PCDHGB3: variants seen among roughly 807,000 people sequenced by gnomAD.
The protein encoded by PCDHGB3 is protocadherin gamma subfamily B, 3, also known as protocadherin gamma-B3.
Under a neutral mutation model 59.2 loss-of-function variants are expected in PCDHGB3, and 40 were observed. The observed-to-expected ratio is 0.68, with a 90% CI of 0.52 to 0.88. The LOEUF is 0.88. Ranked by LOEUF, PCDHGB3 falls within the 40% of genes least tolerant of loss-of-function variation. The pLI is 0.00. For synonymous variants in PCDHGB3, 581 were observed against 503.6 expected, an observed-to-expected ratio of 1.15 and a Z score of -2.06; for missense variants, 1,309 against 1,187.9, an observed-to-expected ratio of 1.10 and a Z score of -1.50.
At chr5:141,375,564 A>G (rs1771592295) in intron 1 of PCDHGB3, 3 of 1,613,974 alleles carry the variant, frequency 1.9e-6, no homozygotes, top group African/African-American at 1.3e-5. Flanking sequence ...CTGGCAGAAG[A>G]CACCCTCCAG....
chr5:141,453,540 A>G (rs890130466), intron 1 of PCDHGB3, among the ~76,000 whole-genome samples: 2 of 152,058 alleles, frequency 1.3e-5, no homozygotes, highest in Non-Finnish European at 2.9e-5. Context: ...CCTCATTCAC[A>G]CCACACTCTG....
chr5:141,388,657 G>C (rs769160604), intron 1 of PCDHGB3: 2 of 1,613,878 alleles, frequency 1.2e-6, no homozygotes, highest in African/African-American at 1.3e-5. Flanking sequence ...GTGTACCCGG[G>C]GACCACGGTG....
chr5:141,398,286 C>T (rs1338652897), intron 1 of PCDHGB3: 1 of 1,395,846 alleles, frequency 7.2e-7, no homozygotes, highest in South Asian at 1.3e-5. Context: ...TCGCCACGGA[C>T]CTGGGGTTCA....
chr5:141,409,912 C>A (rs775668669), intron 1 of PCDHGB3: 2 of 1,613,180 alleles, frequency 1.2e-6, no homozygotes, highest in African/African-American at 2.7e-5. Flanking sequence ...TGGGTCCTGA[C>A]GGCTCCGCGT....
At chr5:141,384,411 T>C (rs751134591) in intron 1 of PCDHGB3, 7 of 1,613,860 alleles carry the variant, frequency 4.3e-6, no homozygotes, top group South Asian at 1.1e-5. Flanking sequence ...TGTCCTCCTA[T>C]GTCTCCATAA....
rs370284141 is a variant in PCDHGB3, at chr5:141,421,654, G to A, written c.2415+48845G>A. On this transcript the variant is annotated intron_variant, in intron 1 of 3. Coordinates refer to ENST00000576222, the MANE Select transcript of PCDHGB3 (RefSeq NM_018924.5). ...CCAGGAGGACGAAGTGGAGATAAAA[G>A]TCAGTGAGCACGCAATTCCTGGGGC... The A allele has an allele frequency of 3.5e-5, 57 of 1,613,746 alleles. No individual in the cohort carries two copies. Among genetic ancestry groups the A allele is most frequent in the Admixed American group, 5.0e-5 (3 of 59,974 alleles).
At chr5:141,453,201 C>A (rs115660512) in intron 1 of PCDHGB3, among the ~76,000 whole-genome samples, 1 of 152,206 alleles carries the variant, frequency 6.6e-6, no homozygotes, top group South Asian at 2.1e-4. Flanking sequence ...GCAGCCTCAA[C>A]CTCGTGCACT....
At chr5:141,508,244 C>A (rs1278674173) in intron 3 of PCDHGB3, 1 of 152,314 alleles carries the variant, frequency 6.6e-6, no homozygotes, top group Non-Finnish European at 1.5e-5. Context: ...CTAAGTCTGC[C>A]TCTCCTGGGA....
At chr5:141,475,059 G>T (rs2099358742) in intron 1 of PCDHGB3, among the ~76,000 whole-genome samples, 1 of 152,180 alleles carries the variant, frequency 6.6e-6, no homozygotes, top group South Asian at 2.1e-4. Flanking sequence ...AAAGATTTGT[G>T]GAGCTTTGCT....
intron 1 of PCDHGB3, among the ~76,000 whole-genome samples, chr5:141,460,737 G>GTA (rs1393989215): frequency 2.0e-5 from 3 of 150,700 alleles, no homozygotes; most frequent in East Asian, 1.9e-4. Context: ...TATACACATT[G>GTA]TATATATATG....
intron 1 of PCDHGB3, chr5:141,409,276 G>T: frequency 6.2e-7 from 1 of 1,614,000 alleles, no homozygotes; most frequent in Non-Finnish European, 8.5e-7. Flanking sequence ...AGATTTTGGA[G>T]AATTCACCTC....
rs773126086 is a variant in PCDHGB3 at position 141,487,392 on chromosome 5, G to C, written c.2416-7415G>C. The C allele has an allele frequency of 6.2e-7, 1 of 1,614,176 alleles. No homozygotes were observed. Among genetic ancestry groups the C allele is most frequent in the Non-Finnish European group, 8.5e-7 (1 of 1,180,024 alleles). ...GCCTGTCTCACCAGATCTCGAAGGA[G>C]GGAGGGGCTTCCCCCTTCCAATGGG... On this transcript the variant is annotated intron_variant, in intron 1 of 3. Coordinates refer to ENST00000576222, the MANE Select transcript of PCDHGB3 (RefSeq NM_018924.5). This position sits in a 1 kb window ranked among gnomAD's most constrained non-coding sequence, Gnocchi z 5.0.
At chr5:141,426,432 C>T (rs1239073805) in intron 1 of PCDHGB3, 2 of 295,812 alleles carry the variant, frequency 6.8e-6, no homozygotes, top group African/African-American at 2.2e-5. Flanking sequence ...TGGTGGGGAA[C>T]CTTGCGGAGG....
intron 1 of PCDHGB3, chr5:141,409,997 G>C: frequency 1.2e-6 from 2 of 1,613,224 alleles, no homozygotes; most frequent in South Asian, 2.2e-5. Context: ...CGCCGACTCG[G>C]GACACAACGC....
At chr5:141,433,205 TTTC>T in intron 1 of PCDHGB3, 1 of 1,573,264 alleles carries the variant, frequency 6.4e-7, no homozygotes, top group Non-Finnish European at 8.6e-7. Context: ...TCAAATCTTC[TTTC>T]TTTTTTTTTT....
chr5:141,408,176 G>C, intron 1 of PCDHGB3: 1 of 1,533,992 alleles, frequency 6.5e-7, no homozygotes, highest in South Asian at 1.2e-5. Flanking sequence ...TGGAAAAGCG[G>C]GGACCCAGCG....
At chr5:141,412,145 C>T (rs1335929166) in intron 1 of PCDHGB3, 1 of 152,210 alleles carries the variant, frequency 6.6e-6, no homozygotes, top group East Asian at 1.9e-4. Context: ...CTGATACAAA[C>T]TGCCTAAGAG....
At chr5:141,492,512 T>A (rs2099741406) in intron 1 of PCDHGB3, among the ~76,000 whole-genome samples, 1 of 152,116 alleles carries the variant, frequency 6.6e-6, no homozygotes, top group Admixed American at 6.5e-5. Flanking sequence ...GAGCCTCCTC[T>A]CACCTCTCCC....
Position 141,375,827 on chromosome 5 carries a change from G to T in PCDHGB3, c.2415+3018G>T, listed in dbSNP as rs779058063. On this transcript the variant is annotated intron_variant, in intron 1 of 3. Transcript: ENST00000576222. ...TGGCGTGGAGCTGGCGCCCCGCTCC[G>T]CAGAGCCCGGCTACCTGGTGACCAA... The T allele has an allele frequency of 4.3e-6, 7 of 1,614,136 alleles. No individual in the cohort carries two copies. The highest frequency in any genetic ancestry group is 2.7e-5 in the African/African-American group (2 of 75,070).
Sources: gnomAD v4.1 joint callset for allele counts (sites outside exome capture counted in the v4.1 genomes callset) on GRCh38, gnomAD v4.1.1 for gene constraint, Gnocchi (gnomAD v3.1) non-coding constraint, MANE v1.5 for transcripts, NCBI Gene and HGNC (gene_info 2026-07-23, HGNC 2026-07-21) for gene names.